TENM2: variants seen among roughly 807,000 people sequenced by gnomAD.
TENM2 encodes teneurin transmembrane protein 2, also known as teneurin-2.
TENM2 carries 52 observed loss-of-function variants against 245.2 expected under a neutral mutation model. The observed-to-expected ratio is 0.21, with a 90% confidence interval of 0.17 to 0.27. The LOEUF (loss-of-function observed/expected upper bound fraction) is 0.27, where lower values mean the gene tolerates loss of function less well. Ranked by LOEUF, TENM2 falls within the 10% of genes least tolerant of loss-of-function variation. The pLI, the probability that TENM2 is intolerant of heterozygous loss-of-function variation, is 1.00. For synonymous variants in TENM2, 1,363 were observed against 1,438.9 expected (o/e 0.95, Z 1.19); for missense variants, 3,046 against 3,666.8 (o/e 0.83, Z 4.37).
At chr5:168,149,366 G>A (rs942105465) in intron 12 of TENM2, 3 of 456,834 alleles carry the variant, frequency 6.6e-6, no homozygotes, top group African/African-American at 6.0e-5. Context: ...TCCAGCTTCA[G>A]CAACCTCATC....
At chr5:168,167,553 G>A (rs970532480) in intron 13 of TENM2, among the ~76,000 whole-genome samples, 7 of 152,138 alleles carry the variant, frequency 4.6e-5, no homozygotes, top group African/African-American at 1.4e-4. Context: ...CTGGAGGTAG[G>A]GTAGGAGGAA....
chr5:167,706,251 A>G lies in TENM2; in HGVS notation c.503-169735A>G, dbSNP rs1758515011. Among the ~76,000 whole-genome samples the G allele has an allele frequency of 4.1e-5, 6 of 145,434 alleles. No individual in the cohort carries two copies. In the South Asian group the frequency reaches 1.3e-3, roughly 31 times the overall value. On this transcript the variant is annotated intron_variant, in intron 2 of 28. Coordinates refer to ENST00000518659, the Ensembl canonical transcript of TENM2. ...ATTATATTATTATATAGTATACTAT[A>G]TATTATTTATGCTGTGATATATATT...
chr5:167,808,667 T>C (rs1681671057), intron 2 of TENM2, among the ~76,000 whole-genome samples: 2 of 152,338 alleles, frequency 1.3e-5, no homozygotes, highest in South Asian at 4.1e-4. Flanking sequence ...CCCTTGTCTT[T>C]TTTTCCTGTC....
At chr5:167,609,058 G>A (rs1037203356) in intron 2 of TENM2, among the ~76,000 whole-genome samples, 2 of 152,090 alleles carry the variant, frequency 1.3e-5, no homozygotes, top group African/African-American at 4.8e-5. Flanking sequence ...TGCTGAAATC[G>A]TGTGAAGTCA....
the TENM2 span, among the ~76,000 whole-genome samples, chr5:167,005,077 A>G: frequency 6.6e-6 from 1 of 152,216 alleles, no homozygotes; most frequent in Non-Finnish European, 1.5e-5. Context: ...AAAAAAAACT[A>G]AAAAGGACTT....
chr5:167,454,378 G>T (rs1236903886), intron 2 of TENM2, among the ~76,000 whole-genome samples: 1 of 152,092 alleles, frequency 6.6e-6, no homozygotes, highest in Non-Finnish European at 1.5e-5. Context: ...TAATTAAGAA[G>T]ATCAAGGGGT....
intron 3 of TENM2, among the ~76,000 whole-genome samples, chr5:167,948,375 G>T (rs369952320): frequency 6.6e-6 from 1 of 152,210 alleles, no homozygotes; most frequent in Non-Finnish European, 1.5e-5. Flanking sequence ...ATCTAAAAGC[G>T]CAGAAGCACA....
At chr5:167,740,381 C>G (rs1191961111) in intron 2 of TENM2, among the ~76,000 whole-genome samples, 8 of 152,136 alleles carry the variant, frequency 5.3e-5, no homozygotes, top group Admixed American at 2.0e-4. Flanking sequence ...ACTTGGGAAA[C>G]CTCGTGCACC....
intron 5 of TENM2, among the ~76,000 whole-genome samples, chr5:167,993,508 A>G (rs539645770): frequency 1.1e-4 from 16 of 152,338 alleles, no homozygotes; most frequent in African/African-American, 2.4e-4. Context: ...AGTTTTCTCC[A>G]TCCTTGGATT....
chr5:167,349,156 A>T (rs1267497001), intron 1 of TENM2, among the ~76,000 whole-genome samples: 2 of 152,174 alleles, frequency 1.3e-5, no homozygotes, highest in Non-Finnish European at 2.9e-5. Context: ...CTCCAAAAGG[A>T]TTGCTCATGC....
intron 1 of TENM2, among the ~76,000 whole-genome samples, chr5:167,332,003 C>T (rs1197609399): frequency 6.6e-6 from 1 of 152,176 alleles, no homozygotes; most frequent in African/African-American, 2.4e-5. Flanking sequence ...TTGCCTTTAT[C>T]GACCAACGTA....
chr5:167,375,336 G>A, exon 2 of TENM2: 1 of 1,551,688 alleles, frequency 6.4e-7, no homozygotes, highest in Non-Finnish European at 8.7e-7. Context: ...ACCGAGGGAG[G>A]GATGTCTCCA....
At chr5:167,198,887 G>A in the TENM2 span, among the ~76,000 whole-genome samples, 1 of 151,908 alleles carries the variant, frequency 6.6e-6, no homozygotes, top group African/African-American at 2.4e-5. Flanking sequence ...GTGTTTAACT[G>A]TCCTAATTCC....
At chr5:167,744,150 G>T (rs1045548120) in intron 2 of TENM2, among the ~76,000 whole-genome samples, 1 of 152,112 alleles carries the variant, frequency 6.6e-6, no homozygotes, top group Admixed American at 6.6e-5. Context: ...CAAATTCATG[G>T]TGATTATCCT....
chr5:168,090,720 C>T (rs778915440), exon 8 of TENM2: 4 of 1,613,704 alleles, frequency 2.5e-6, no homozygotes. Flanking sequence ...TGGCCTTCTA[C>T]AATGATGGAA....
intron 3 of TENM2, among the ~76,000 whole-genome samples, chr5:167,952,026 G>T (rs958844833): frequency 4.6e-5 from 7 of 152,074 alleles, no homozygotes. Context: ...TCATTCCCAC[G>T]TGATCAAATT....
At chr5:168,167,101 C>A (rs573527341) in intron 13 of TENM2, among the ~76,000 whole-genome samples, 1 of 152,022 alleles carries the variant, frequency 6.6e-6, no homozygotes, top group South Asian at 2.1e-4. Flanking sequence ...AACTGCTCAC[C>A]CCAATTTGAA....
intron 13 of TENM2, among the ~76,000 whole-genome samples, chr5:168,176,617 C>T (rs1759382533): frequency 6.6e-6 from 1 of 152,206 alleles, no homozygotes. Context: ...CTTCAGAACA[C>T]TGTCACTGTA....
chr5:167,160,962 C>G, the TENM2 span, among the ~76,000 whole-genome samples: 1 of 152,200 alleles, frequency 6.6e-6, no homozygotes, highest in Non-Finnish European at 1.5e-5. Flanking sequence ...AAAACACACC[C>G]TAAAACCCTT....
Sources: gnomAD v4.1 joint callset for allele counts (sites outside exome capture counted in the v4.1 genomes callset) on GRCh38, gnomAD v4.1.1 for gene constraint, MANE v1.5 for transcripts, NCBI Gene and HGNC (gene_info 2026-07-23, HGNC 2026-07-21) for gene names.